TOGARAM1: variants seen among roughly 807,000 people sequenced by gnomAD.
The protein encoded by TOGARAM1 is TOG array regulator of axonemal microtubules 1.
Under a neutral mutation model 166.6 loss-of-function variants are expected in TOGARAM1, and 100 were observed. The ratio of observed to expected loss-of-function variants is 0.60; its 90% CI spans 0.51 to 0.71. The LOEUF (loss-of-function observed/expected upper bound fraction) is 0.71. TOGARAM1 is among the 30% of genes least tolerant of loss of function. TOGARAM1 has a pLI of 0.00. For missense variants in TOGARAM1, 2,029 were observed against 2,102.7 expected (o/e 0.96, Z 0.69); for synonymous variants, 758 against 763.8 (o/e 0.99, Z 0.13).
At position 44,962,590 on chromosome 14, in the gene TOGARAM1, C is replaced by T; in HGVS notation, c.169C>T (p.His57Tyr). ...NYYFRGAAGD[H>Y]GSCPTTTSPL... ...CTACTTCCGTGGAGCTGCGGGGGAC[C>T]ACGGTTCCTGCCCCACTACAACTTC... Residue 57 changes from histidine (H) to tyrosine (Y), a missense_variant, in exon 1 of 20, where the codon CAC (histidine) becomes TAC (tyrosine). His to Tyr is a moderately conservative substitution (Grantham distance 83, BLOSUM62 2). Around this residue, in one of 2 missense-constraint regions of TOGARAM1, gnomAD observed 1,453 missense variants for 1,432.2 expected, o/e 1.01. Transcript: ENST00000361462. The T allele has an allele frequency of 1.2e-6, 2 of 1,613,714 alleles. No homozygotes were observed. The highest frequency in any genetic ancestry group is 2.2e-5 in the South Asian group (2 of 91,026).
Position 44,962,208 on chromosome 14 carries a change from C to A in TOGARAM1, c.-214C>A, listed in dbSNP as rs187650249. The A allele has an allele frequency of 2.1e-5, 11 of 512,632 alleles. No individual in the cohort carries two copies. The highest frequency in any genetic ancestry group is 1.6e-4 in the African/African-American group (8 of 51,302). The allele number at this position is 512,632 out of a possible 1,614,324, so 31.8% of individuals were successfully genotyped here. A position where few individuals can be genotyped will look rare whatever the true frequency, so the allele number is the denominator to read the frequency against. Reference sequence around the variant, plus strand: ...TTTGGTCACGTGGTGCCCTTGGTTACGCCCGGTGGCAGCTGTGGGGTCTAG... The same window carrying A: ...TTTGGTCACGTGGTGCCCTTGGTTAAGCCCGGTGGCAGCTGTGGGGTCTAG... On this transcript the variant is annotated 5_prime_UTR_variant, in exon 1 of 20. Transcript: ENST00000361462.
chr14:44,989,701 C>A (rs1411667441), intron 1 of TOGARAM1, among the ~76,000 whole-genome samples: 1 of 152,164 alleles, frequency 6.6e-6, no homozygotes, highest in Non-Finnish European at 1.5e-5. Context: ...CTGCCTGTTA[C>A]CCAGTTCCAA....
At position 44,963,130 on chromosome 14, in the gene TOGARAM1, C is replaced by G; in HGVS notation, c.709C>G (p.Leu237Val). 1.2e-6 allele frequency: 2 copies of G among 1,614,214 alleles called. No homozygotes were observed. The highest frequency in any genetic ancestry group is 1.7e-6 in the Non-Finnish European group (2 of 1,180,038). The change falls in exon 1 of 20, where the codon CTG becomes GTG. Residue 237 changes from leucine to valine, a missense_variant. Physicochemically the swap from Leu to Val is conservative, Grantham distance 32. Coordinates refer to ENST00000361462, the MANE Select transcript of TOGARAM1 (RefSeq NM_001308120.2). ...CCGACTTAGAGCTTCCACAGCACTACTGCTTCCCATCTTGCTTACTACTGA... is the reference window on the plus strand; with the variant it reads ...CCGACTTAGAGCTTCCACAGCACTAGTGCTTCCCATCTTGCTTACTACTGA... ...DARLRASTAL[L>V]LPILLTTEDL...
rs753615855 is a variant in TOGARAM1 at position 45,043,763 on chromosome 14, A to G, written c.3890A>G (p.His1297Arg). The change falls in exon 12 of 20, where the codon CAT becomes CGT. Residue 1297 changes from histidine to arginine, a missense_variant. Physicochemically the swap from His to Arg is conservative, Grantham distance 29. This residue lies in a region of TOGARAM1 where 576 missense variants were observed against 670.5 expected (regional missense o/e 0.86). Transcript: ENST00000361462. ...TCTGAGATACTGAACACAAAGTTGC[A>G]TGAAACAAATTTTGCAGTTGTTCAA... is the stretch of plus-strand genomic sequence containing the variant. Reference protein sequence around the residue: ...FHSEILNTKLHETNFAVVQEV... With the variant: ...FHSEILNTKLRETNFAVVQEV... 1.7e-5 allele frequency: 27 copies of G among 1,612,504 alleles called. No homozygotes were observed. Among genetic ancestry groups the G allele is most frequent in the Non-Finnish European group, 2.5e-6 (3 of 1,178,720 alleles).
At chr14:44,992,974 G>A (rs1478109479) in intron 1 of TOGARAM1, among the ~76,000 whole-genome samples, 1 of 151,316 alleles carries the variant, frequency 6.6e-6, no homozygotes, top group Non-Finnish European at 1.5e-5. Context: ...AAGACTAAGA[G>A]ATAATAGGCT....
At chr14:45,060,491 C>T (rs1203383147) in intron 16 of TOGARAM1, among the ~76,000 whole-genome samples, 3 of 152,116 alleles carry the variant, frequency 2.0e-5, no homozygotes, top group Admixed American at 6.6e-5. Flanking sequence ...GCTAGGATTA[C>T]AGACATGAGC....
chr14:45,056,011 G>A (rs1198489162), intron 16 of TOGARAM1, among the ~76,000 whole-genome samples: 2 of 151,856 alleles, frequency 1.3e-5, no homozygotes, highest in Non-Finnish European at 2.9e-5. Flanking sequence ...ATGAACCTGG[G>A]ATGTTTTTCC....
Position 45,070,169 on chromosome 14 carries a change from G to A in TOGARAM1, c.4969+1526G>A, listed in dbSNP as rs192122182. Reference sequence around the variant, plus strand: ...TGCACTTCAGCCTGGATGACAGAGTGAGACTCCATCTCAAAAAAAAGAAAA... The same window carrying A: ...TGCACTTCAGCCTGGATGACAGAGTAAGACTCCATCTCAAAAAAAAGAAAA... On this transcript the variant is annotated intron_variant, in intron 18 of 19. Coordinates refer to ENST00000361462, the MANE Select transcript of TOGARAM1 (RefSeq NM_001308120.2). 2.4e-3 allele frequency among the ~76,000 whole-genome samples: 365 copies of A among 152,030 alleles called. 1 individual carries two copies. Among genetic ancestry groups the A allele is most frequent in the Middle Eastern group, 0.01 (3 of 294 alleles).
At chr14:45,043,427 C>T (rs1176864708) in intron 11 of TOGARAM1, among the ~76,000 whole-genome samples, 2 of 152,114 alleles carry the variant, frequency 1.3e-5, no homozygotes, top group Admixed American at 6.5e-5. Flanking sequence ...CCACCTGCCT[C>T]GGCCTCCCAA....
chr14:45,025,671 C>A, intron 7 of TOGARAM1, 112 bp from the exon 8 acceptor site: 1 of 568,186 alleles, frequency 1.8e-6, no homozygotes, highest in Non-Finnish European at 3.1e-6. Context: ...ATTGTAAATT[C>A]TTTGTATGAA....
chr14:44,975,915 G>C (rs1270537157), intron 1 of TOGARAM1, among the ~76,000 whole-genome samples: 4 of 151,740 alleles, frequency 2.6e-5, no homozygotes, highest in East Asian at 1.9e-4. Flanking sequence ...AGTATTGAGA[G>C]TGCCATGATT....
intron 1 of TOGARAM1, among the ~76,000 whole-genome samples, chr14:44,995,094 T>C (rs985166624): frequency 6.6e-6 from 1 of 152,260 alleles, no homozygotes; most frequent in Non-Finnish European, 1.5e-5. Context: ...TTTAGTTCTT[T>C]AACTGATTAT....
rs748381512 is a variant in TOGARAM1 at position 45,074,343 on chromosome 14, GC to G, written c.*783del. On this transcript the variant is annotated 3_prime_UTR_variant, in exon 20 of 20. Coordinates refer to ENST00000361462, the MANE Select transcript of TOGARAM1 (RefSeq NM_001308120.2). ...CAAAAATAGTGCCAGGTCTTCTATA[GC>G]TTTTTTCAGAATTCATGGGCTTACA... is the stretch of plus-strand genomic sequence containing the variant. The G allele has an allele frequency of 2.0e-5, 3 of 152,424 alleles. No individual in the cohort carries two copies. The highest frequency in any genetic ancestry group is 4.4e-5 in the Non-Finnish European group (3 of 67,994). 9.4% of individuals were successfully genotyped at this position (152,424 alleles called of 1,614,324 possible).
chr14:45,015,954 T>G (rs1880108457), intron 7 of TOGARAM1, among the ~76,000 whole-genome samples: 1 of 152,216 alleles, frequency 6.6e-6, no homozygotes, highest in Admixed American at 6.5e-5. Context: ...TTACTGAGTA[T>G]TCTCAGTTTT....
At chr14:45,066,796 G>A (rs1279424466) in intron 17 of TOGARAM1, 29 bp downstream of exon 17, 1 of 1,571,896 alleles carries the variant, frequency 6.4e-7, no homozygotes, top group East Asian at 2.2e-5. Flanking sequence ...TAATTTTAAT[G>A]TGGGTATGGT....
intron 16 of TOGARAM1, among the ~76,000 whole-genome samples, chr14:45,055,611 T>C (rs1191729241): frequency 6.6e-6 from 1 of 151,950 alleles, no homozygotes; most frequent in African/African-American, 2.4e-5. Context: ...AAGACCAGCC[T>C]GGCCAACGTA....
chr14:45,059,127 G>A (rs1296228426), intron 16 of TOGARAM1, among the ~76,000 whole-genome samples: 1 of 151,708 alleles, frequency 6.6e-6, no homozygotes, highest in African/African-American at 2.4e-5. Context: ...ACAAGGTCTG[G>A]AGTGCAGTGG....
rs141220856 is a variant in TOGARAM1, at chr14:44,985,063, G to C, written c.2047-10683G>C. Among the ~76,000 whole-genome samples, 1,051 of 151,948 alleles carry C rather than the reference G, an allele frequency of 6.9e-3. 12 individuals are homozygous for C. Among genetic ancestry groups the C allele is most frequent in the African/African-American group, 0.023 (974 of 41,470 alleles). On this transcript the variant is annotated intron_variant, in intron 1 of 19. Transcript: ENST00000361462. The stretch of plus-strand genomic sequence containing the variant: ...GAGTCTCGCTCTGTCACCCAGGCTG[G>C]AGTGCAGTGGCGCAATCTTGGCTCA...
At chr14:45,038,310 G>T (rs779137941) in intron 11 of TOGARAM1, among the ~76,000 whole-genome samples, 9 of 152,228 alleles carry the variant, frequency 5.9e-5, no homozygotes, top group Non-Finnish European at 1.0e-4. Context: ...TTTTGCTCAG[G>T]CCCACTTGGG....
Sources: gnomAD v4.1 joint callset for allele counts (sites outside exome capture counted in the v4.1 genomes callset) on GRCh38, gnomAD v4.1.1 for gene constraint, gnomAD v4.1.1 regional missense constraint, MANE v1.5 for transcripts, NCBI Gene and HGNC (gene_info 2026-07-23, HGNC 2026-07-21) for gene names.